JAK2: variants seen among roughly 807,000 people sequenced by gnomAD.
JAK2 encodes the protein Janus kinase 2, also known as tyrosine-protein kinase JAK2.
In JAK2, 86 loss-of-function variants were observed where a neutral mutation model predicts 139.3. That is an observed-to-expected ratio of 0.62 (90% CI 0.52 to 0.74). JAK2 has a LOEUF of 0.74. Among genes scored for constraint, JAK2 ranks in the 30% least tolerant of loss-of-function variants. The probability of loss-of-function intolerance (pLI) is 0.00; values close to 1 mark genes in which losing one functional copy is unlikely to be tolerated. For missense variants in JAK2, 1,421 were observed against 1,360.3 expected (o/e 1.04, Z -0.70); for synonymous variants, 490 against 437.7 (o/e 1.12, Z -1.49).
intron 8 of JAK2, among the ~76,000 whole-genome samples, chr9:5,063,573 A>G (rs142472880): frequency 2.1e-4 from 32 of 152,224 alleles, no homozygotes; most frequent in Non-Finnish European, 3.7e-4. Flanking sequence ...ATTTGTTGGT[A>G]TCTTTAATGT....
chr9:5,070,010 C>G lies in JAK2; in HGVS notation c.1599C>G (p.Asn533Lys), dbSNP rs1818848024. 8 of 1,607,466 alleles carry G rather than the reference C, an allele frequency of 5.0e-6. No individual in the cohort carries two copies. The highest frequency in any genetic ancestry group is 6.8e-6 in the Non-Finnish European group (8 of 1,175,806). ...SPTLQRPTHMNQMVFHKIRNE... is the reference protein window; with the variant it reads ...SPTLQRPTHMKQMVFHKIRNE... ...CATTACAGAGGCCTACTCATATGAACCAAATGGTGTTTCACAAAATCAGAA... is the reference window on the plus strand; with the variant it reads ...CATTACAGAGGCCTACTCATATGAAGCAAATGGTGTTTCACAAAATCAGAA... Residue 533 changes from asparagine to lysine, a missense_variant, in exon 12 of 25, where the codon AAC becomes AAG. Transcript: ENST00000381652.
Position 5,046,717 on chromosome 9 carries a change from T to A in JAK2, c.468+2197T>A, listed in dbSNP as rs377239503. Among the ~76,000 whole-genome samples the A allele has an allele frequency of 4.5e-4, 68 of 152,324 alleles. 1 individual carries two copies. In the South Asian group the frequency reaches 0.014, roughly 31 times the overall value. On this transcript the variant is annotated intron_variant, in intron 5 of 24. Coordinates refer to ENST00000381652, the MANE Select transcript of JAK2 (RefSeq NM_004972.4). The stretch of plus-strand genomic sequence containing the variant: ...TCATTTGACCACCAACCTACTTTTT[T>A]ATACAGCTCCTTTATCTGTATAGCC...
intron 4 of JAK2, among the ~76,000 whole-genome samples, chr9:5,044,110 C>G (rs1253604323): frequency 6.6e-6 from 1 of 152,186 alleles, no homozygotes; most frequent in African/African-American, 2.4e-5. Context: ...CTGGATTAAG[C>G]TATGTTTTTA....
At chr9:5,098,431 A>G (rs201662474) in intron 22 of JAK2, 1 of 152,112 alleles carries the variant, frequency 6.6e-6, no homozygotes, top group East Asian at 1.9e-4. Context: ...TCTTATAATT[A>G]TTTTCCTAAT....
At chr9:5,015,727 C>T (rs1045122657) in intron 2 of JAK2, among the ~76,000 whole-genome samples, 1 of 151,906 alleles carries the variant, frequency 6.6e-6, no homozygotes, top group African/African-American at 2.4e-5. Flanking sequence ...GATTCTTTTT[C>T]GTAGCAAAGC....
chr9:5,001,625 A>AT (rs201169908), intron 2 of JAK2, among the ~76,000 whole-genome samples: 2,912 of 143,294 alleles, frequency 0.02, 83 homozygotes, highest in African/African-American at 0.067. Flanking sequence ...TTTGCCTGTA[A>AT]TTTTTTTTTT....
rs537440731 is a variant in JAK2, at chr9:5,006,344, T to A, written c.-25-15619T>A. On this transcript the variant is annotated intron_variant, in intron 2 of 24. Transcript: ENST00000381652. ...GTGATTTTTGTACATTGATTTTGTATGCTGAGACTTTGCTGAAGTTGCTTA... is the reference window on the plus strand; with the variant it reads ...GTGATTTTTGTACATTGATTTTGTAAGCTGAGACTTTGCTGAAGTTGCTTA... Among the ~76,000 whole-genome samples, 1,265 of 152,332 alleles carry A rather than the reference T, an allele frequency of 8.3e-3. 14 individuals carry two copies. The highest frequency in any genetic ancestry group is 0.029 in the African/African-American group (1,207 of 41,570).
chr9:4,991,037 G>A (rs1052842121), intron 2 of JAK2, among the ~76,000 whole-genome samples: 18 of 152,164 alleles, frequency 1.2e-4, no homozygotes, highest in Admixed American at 7.9e-4. Flanking sequence ...TTTTCTGAAT[G>A]ATAGAAGGTT....
At chr9:5,063,702 G>A (rs1219245284) in intron 8 of JAK2, among the ~76,000 whole-genome samples, 3 of 152,098 alleles carry the variant, frequency 2.0e-5, no homozygotes, top group Non-Finnish European at 4.4e-5. Context: ...AGAGTGTTTT[G>A]AAGTTTTTGT....
chr9:5,011,956 C>A (rs1821730340), intron 2 of JAK2, among the ~76,000 whole-genome samples: 2 of 152,202 alleles, frequency 1.3e-5, no homozygotes. Flanking sequence ...AACACTAAAT[C>A]CTGACTCTCC....
chr9:4,994,660 C>T (rs895105345), intron 2 of JAK2, among the ~76,000 whole-genome samples: 5 of 152,168 alleles, frequency 3.3e-5, no homozygotes, highest in African/African-American at 2.4e-5. Flanking sequence ...ACAGACGTGG[C>T]TCATGGCTGT....
chr9:5,056,484 T>G (rs1563962465), intron 8 of JAK2, among the ~76,000 whole-genome samples: 1 of 152,132 alleles, frequency 6.6e-6, no homozygotes, highest in African/African-American at 2.4e-5. Context: ...GTCTGGCTGT[T>G]CCAGGGTTAT....
chr9:5,024,670 C>T (rs1441234544), intron 3 of JAK2, among the ~76,000 whole-genome samples: 1 of 152,082 alleles, frequency 6.6e-6, no homozygotes, highest in African/African-American at 2.4e-5. Context: ...TATTGTTTGC[C>T]TCAACTTTAG....
chr9:5,057,914 C>T (rs543367824), intron 8 of JAK2, among the ~76,000 whole-genome samples: 6 of 152,154 alleles, frequency 3.9e-5, no homozygotes, highest in African/African-American at 1.4e-4. Context: ...TTTGACTACT[C>T]TAGATACCTC....
intron 3 of JAK2, among the ~76,000 whole-genome samples, chr9:5,025,367 A>T (rs1822712914): frequency 6.6e-6 from 1 of 152,042 alleles, no homozygotes; most frequent in Non-Finnish European, 1.5e-5. Flanking sequence ...CTTAAGATGG[A>T]ATTGTCTTTC....
At chr9:5,006,269 G>A (rs1476315900) in intron 2 of JAK2, among the ~76,000 whole-genome samples, 2 of 152,282 alleles carry the variant, frequency 1.3e-5, no homozygotes, top group East Asian at 3.9e-4. Flanking sequence ...GTGAACGGGA[G>A]TTCACTCATG....
chr9:5,087,839 A>T (rs1820253590), intron 19 of JAK2, among the ~76,000 whole-genome samples: 1 of 152,228 alleles, frequency 6.6e-6, no homozygotes. Context: ...TTTATTTATA[A>T]GAATATTATT....
rs1186254869 is a variant in JAK2, at chr9:5,129,552, T to G, written c.*2761T>G. On this transcript the variant is annotated 3_prime_UTR_variant, in exon 25 of 25. Transcript: ENST00000381652. Reference sequence around the variant, plus strand: ...ATGTACTAAGAATCAGTTTGCTGTATATTAGAATAAATAGTAACAGTAAGT... The same window carrying G: ...ATGTACTAAGAATCAGTTTGCTGTAGATTAGAATAAATAGTAACAGTAAGT... Among the ~76,000 whole-genome samples the G allele has an allele frequency of 6.6e-6, 1 of 152,150 alleles. No individual in the cohort carries two copies. The highest frequency in any genetic ancestry group is 1.5e-5 in the Non-Finnish European group (1 of 67,986).
At chr9:5,103,638 A>G (rs1256405554) in intron 22 of JAK2, among the ~76,000 whole-genome samples, 1 of 152,202 alleles carries the variant, frequency 6.6e-6, no homozygotes, top group Admixed American at 6.5e-5. Flanking sequence ...GCACGACATC[A>G]CACTTATTCC....
Sources: gnomAD v4.1 joint callset for allele counts (sites outside exome capture counted in the v4.1 genomes callset) on GRCh38, gnomAD v4.1.1 for gene constraint, MANE v1.5 for transcripts, NCBI Gene and HGNC (gene_info 2026-07-23, HGNC 2026-07-21) for gene names.